Variants in PTPN12 observed in about 807,000 individuals in gnomAD.
PTPN12 encodes the protein protein tyrosine phosphatase non-receptor type 12, also known as tyrosine-protein phosphatase non-receptor type 12.
PTPN12 carries 29 observed loss-of-function variants against 97.6 expected under a neutral mutation model. The observed-to-expected ratio is 0.30, with a 90% CI of 0.22 to 0.41. The LOEUF (loss-of-function observed/expected upper bound fraction) is 0.41, where lower values mean the gene tolerates loss of function less well. Ranked by LOEUF, PTPN12 falls within the 10% of genes least tolerant of loss-of-function variation. The pLI is 1.00. For missense variants in PTPN12, 819 were observed against 926.0 expected, an observed-to-expected ratio of 0.88 and a Z score of 1.50; for synonymous variants, 327 against 300.4, an observed-to-expected ratio of 1.09 and a Z score of -0.91.
At chr7:77,574,529 C>T (rs1787275239) in intron 2 of PTPN12, among the ~76,000 whole-genome samples, 1 of 152,126 alleles carries the variant, frequency 6.6e-6, no homozygotes, top group African/African-American at 2.4e-5. Flanking sequence ...GGACACTTAG[C>T]AATGTCTGGA....
At chr7:77,581,937 A>T (rs1787528501) in intron 3 of PTPN12, among the ~76,000 whole-genome samples, 1 of 152,128 alleles carries the variant, frequency 6.6e-6, no homozygotes, top group East Asian at 1.9e-4. Context: ...ATTACTGGAT[A>T]ATACTGATTT....
intron 1 of PTPN12, among the ~76,000 whole-genome samples, chr7:77,565,650 A>T (rs1380745276): frequency 2.0e-5 from 3 of 152,206 alleles, no homozygotes; most frequent in Non-Finnish European, 2.9e-5. Context: ...ATCTTGACAC[A>T]CAAGTGGGTA....
At chr7:77,595,574 A>G (rs750821381) in intron 6 of PTPN12, among the ~76,000 whole-genome samples, 17 of 152,200 alleles carry the variant, frequency 1.1e-4, no homozygotes, top group Non-Finnish European at 1.2e-4. Flanking sequence ...GAACACATCT[A>G]TATGCATTAA....
At chr7:77,626,535 A>G (rs1465360846) in intron 12 of PTPN12, among the ~76,000 whole-genome samples, 170 bp from the exon 13 acceptor site, 1 of 152,208 alleles carries the variant, frequency 6.6e-6, no homozygotes, top group South Asian at 2.1e-4. Flanking sequence ...TTTAAACAGT[A>G]TATGTGTATT....
chr7:77,537,532 G>C lies in PTPN12; in HGVS notation c.-15G>C. On this transcript the variant is annotated 5_prime_UTR_variant, in exon 1 of 18. Transcript: ENST00000248594. ...GCGGGGGGGCCAGCGACCGCAGCCG[G>C]GGGGACGCGGGAGGATGGAGCAAGT... 3 of 1,584,612 alleles carry C rather than the reference G, an allele frequency of 1.9e-6. No homozygotes were observed. Among genetic ancestry groups the C allele is most frequent in the Non-Finnish European group, 2.6e-6 (3 of 1,167,602 alleles).
At chr7:77,549,433 T>G (rs1191769691) in intron 1 of PTPN12, among the ~76,000 whole-genome samples, 1 of 152,150 alleles carries the variant, frequency 6.6e-6, no homozygotes, top group African/African-American at 2.4e-5. Context: ...AGGCAAAATT[T>G]TAAGGTTTCT....
chr7:77,538,061 C>T (rs1428103133), intron 1 of PTPN12: 2 of 997,404 alleles, frequency 2.0e-6, no homozygotes, highest in Non-Finnish European at 2.4e-6. Context: ...TGGCTGTGAC[C>T]GGGAGGAGTG....
intron 2 of PTPN12, among the ~76,000 whole-genome samples, chr7:77,578,225 C>G (rs868046553): frequency 6.6e-6 from 1 of 152,098 alleles, no homozygotes; most frequent in Admixed American, 6.5e-5. Flanking sequence ...TTAACTGAGA[C>G]CCCTTATTAC....
chr7:77,623,933 C>T (rs572676998), intron 12 of PTPN12, among the ~76,000 whole-genome samples: 12 of 151,890 alleles, frequency 7.9e-5, no homozygotes, highest in Admixed American at 3.3e-4. Flanking sequence ...TGTTTTAGAT[C>T]GCAAAAATTT....
At chr7:77,600,075 A>G (rs1458988144) in intron 7 of PTPN12, among the ~76,000 whole-genome samples, 1 of 152,222 alleles carries the variant, frequency 6.6e-6, no homozygotes, top group African/African-American at 2.4e-5. Context: ...TAAAGCTCAT[A>G]GACTCCCTCA....
intron 8 of PTPN12, among the ~76,000 whole-genome samples, chr7:77,604,113 C>T (rs1321627612): frequency 6.6e-6 from 1 of 150,878 alleles, no homozygotes; most frequent in Non-Finnish European, 1.5e-5. Context: ...TGGTCTTGAA[C>T]TCCTGACCTC....
At chr7:77,547,956 A>C (rs368835449) in intron 1 of PTPN12, among the ~76,000 whole-genome samples, 65 of 152,344 alleles carry the variant, frequency 4.3e-4, no homozygotes, top group African/African-American at 1.5e-3. Context: ...TGCTATTATG[A>C]AATTGGCCTG....
At chr7:77,542,078 A>G (rs887318348) in intron 1 of PTPN12, among the ~76,000 whole-genome samples, 6 of 152,162 alleles carry the variant, frequency 3.9e-5, no homozygotes, top group Non-Finnish European at 7.4e-5. Context: ...ATACTTTGAG[A>G]ACCAGTGAGC....
chr7:77,590,346 A>G (rs752770679), intron 5 of PTPN12, among the ~76,000 whole-genome samples: 6 of 152,156 alleles, frequency 3.9e-5, no homozygotes, highest in Non-Finnish European at 8.8e-5. Context: ...CTTGTTTTCT[A>G]TCTGTTTCAA....
intron 1 of PTPN12, among the ~76,000 whole-genome samples, chr7:77,564,823 T>C (rs938668177): frequency 3.1e-5 from 4 of 130,624 alleles, no homozygotes; most frequent in African/African-American, 5.7e-5. Flanking sequence ...AGTGGCACGA[T>C]CTCAGCTCAC....
intron 1 of PTPN12, among the ~76,000 whole-genome samples, chr7:77,569,296 A>T (rs999310781): frequency 1.1e-4 from 16 of 152,136 alleles, no homozygotes; most frequent in African/African-American, 3.9e-4. Context: ...AATGTACACT[A>T]TTGTTTCCTG....
At chr7:77,575,559 C>T (rs1453217974) in intron 2 of PTPN12, among the ~76,000 whole-genome samples, 1 of 152,166 alleles carries the variant, frequency 6.6e-6, no homozygotes, top group Non-Finnish European at 1.5e-5. Flanking sequence ...CATGTTTTAA[C>T]ATGTGCAGTG....
chr7:77,591,141 C>G (rs966407757), intron 5 of PTPN12, among the ~76,000 whole-genome samples: 2 of 152,122 alleles, frequency 1.3e-5, no homozygotes, highest in Admixed American at 1.3e-4. Context: ...TTAGCTAACC[C>G]AACATACCAG....
At chr7:77,591,557 A>G (rs1248232549) in intron 5 of PTPN12, among the ~76,000 whole-genome samples, 2 of 152,240 alleles carry the variant, frequency 1.3e-5, no homozygotes, top group African/African-American at 2.4e-5. Flanking sequence ...ATAAAATTGA[A>G]TAGTTAATAC....
Sources: gnomAD v4.1 joint callset for allele counts (sites outside exome capture counted in the v4.1 genomes callset) on GRCh38, gnomAD v4.1.1 for gene constraint, MANE v1.5 for transcripts, NCBI Gene and HGNC (gene_info 2026-07-23, HGNC 2026-07-21) for gene names.